The following ACYP2 variants were observed in gnomAD, a reference collection of about 807,000 sequenced individuals.
ACYP2 encodes acylphosphatase-2.
In ACYP2, 12 loss-of-function variants were observed where a neutral mutation model predicts 11.2. That is an observed-to-expected ratio of 1.08 (90% CI 0.69 to 1.74). ACYP2 has a LOEUF of 1.74. Among genes scored for constraint, ACYP2 ranks in the 40% most tolerant of loss-of-function variants. The pLI, the probability that ACYP2 is intolerant of heterozygous loss-of-function variation, is 0.00. For missense variants in ACYP2, 134 were observed against 101.9 expected (o/e 1.31, Z -1.35); for synonymous variants, 43 against 32.2 (o/e 1.33, Z -1.13).
intron 6 of ACYP2, among the ~76,000 whole-genome samples, chr2:54,155,667 C>T (rs1682397673): frequency 6.6e-6 from 1 of 152,250 alleles, no homozygotes; most frequent in African/African-American, 2.4e-5. Flanking sequence ...TTCCTGTCTT[C>T]CACCAAACTG....
At chr2:54,068,051 T>A (rs944052413) in intron 4 of ACYP2, among the ~76,000 whole-genome samples, 1 of 152,206 alleles carries the variant, frequency 6.6e-6, no homozygotes, top group Non-Finnish European at 1.5e-5. Context: ...AGTCGTCCAG[T>A]TGGAGTGGGT....
chr2:54,025,952 A>G (rs1674260934), intron 2 of ACYP2, among the ~76,000 whole-genome samples: 1 of 152,190 alleles, frequency 6.6e-6, no homozygotes, highest in Admixed American at 6.5e-5. Flanking sequence ...CCCCATCTCC[A>G]TTAAAAATAT....
chr2:54,278,274 A>G (rs1320483224), intron 6 of ACYP2, among the ~76,000 whole-genome samples: 2 of 152,186 alleles, frequency 1.3e-5, no homozygotes, highest in Non-Finnish European at 2.9e-5. Context: ...CACCGCACCT[A>G]GCCCATTTTA....
At chr2:54,015,683 ACAC>A (rs200608171) in intron 2 of ACYP2, among the ~76,000 whole-genome samples, 1 of 148,504 alleles carries the variant, frequency 6.7e-6, no homozygotes, top group Admixed American at 6.7e-5. Context: ...ACACACACAC[ACAC>A]ACGGCAGAAT....
chr2:54,065,025 A>G (rs1259597024), intron 4 of ACYP2, among the ~76,000 whole-genome samples: 1 of 151,496 alleles, frequency 6.6e-6, no homozygotes, highest in African/African-American at 2.4e-5. Flanking sequence ...CGAAGTTTGC[A>G]CTGAGCCGAG....
At chr2:54,204,837 AC>A (rs375188799) in intron 6 of ACYP2, among the ~76,000 whole-genome samples, 2 of 152,084 alleles carry the variant, frequency 1.3e-5, no homozygotes, top group East Asian at 3.9e-4. Context: ...TATTTTCACC[AC>A]TGATTGACAT....
intron 6 of ACYP2, among the ~76,000 whole-genome samples, chr2:54,288,593 A>G (rs889952113): frequency 6.6e-6 from 1 of 152,042 alleles, no homozygotes; most frequent in East Asian, 1.9e-4. Context: ...TAAATGATGC[A>G]TGGTATTCTA....
At chr2:54,233,859 C>G in intron 6 of ACYP2, among the ~76,000 whole-genome samples, 1 of 152,086 alleles carries the variant, frequency 6.6e-6, no homozygotes, top group East Asian at 1.9e-4. Flanking sequence ...AAAATATAAA[C>G]TTTATTTTTC....
intron 3 of ACYP2, among the ~76,000 whole-genome samples, chr2:54,055,079 C>G (rs1202240653): frequency 1.3e-5 from 2 of 152,110 alleles, no homozygotes; most frequent in South Asian, 2.1e-4. Flanking sequence ...CTCTGTCAAC[C>G]GGGCTAGAGT....
At chr2:54,134,764 G>A (rs1681123394) in intron 4 of ACYP2, among the ~76,000 whole-genome samples, 1 of 152,072 alleles carries the variant, frequency 6.6e-6, no homozygotes, top group South Asian at 2.1e-4. Flanking sequence ...CTTGTTCTTG[G>A]GTCGGGATGC....
At chr2:54,096,726 G>C (rs13429674) in intron 4 of ACYP2, among the ~76,000 whole-genome samples, 6 of 152,168 alleles carry the variant, frequency 3.9e-5, no homozygotes, top group South Asian at 2.1e-4. Flanking sequence ...ACAGGCACTC[G>C]GCAGGCTGAG....
chr2:54,219,881 G>GTGTGTGTGTA (rs1222539416), intron 6 of ACYP2, among the ~76,000 whole-genome samples: 14 of 99,476 alleles, frequency 1.4e-4, no homozygotes, highest in African/African-American at 4.2e-4. Context: ...GTGTGTGTGT[G>GTGTGTGTGTA]TATATATATA....
At chr2:54,056,164 G>C (rs1676139262) in intron 3 of ACYP2, among the ~76,000 whole-genome samples, 1 of 152,220 alleles carries the variant, frequency 6.6e-6, no homozygotes, top group Admixed American at 6.5e-5. Flanking sequence ...CCAGCTTGAG[G>C]AGGATTCATG....
At chr2:54,096,385 A>C (rs1356507365) in intron 4 of ACYP2, among the ~76,000 whole-genome samples, 2 of 150,006 alleles carry the variant, frequency 1.3e-5, no homozygotes, top group Non-Finnish European at 3.0e-5. Context: ...CACGTCCCAG[A>C]CGATGGATGG....
At chr2:54,197,053 A>G (rs563135467) in intron 6 of ACYP2, among the ~76,000 whole-genome samples, 1 of 152,354 alleles carries the variant, frequency 6.6e-6, no homozygotes, top group Admixed American at 6.5e-5. Context: ...AGGTAGTATT[A>G]TAACCCCCCT....
chr2:54,302,697 G>A (rs917948543), intron 6 of ACYP2, among the ~76,000 whole-genome samples: 8 of 151,992 alleles, frequency 5.3e-5, no homozygotes, highest in Non-Finnish European at 1.0e-4. Flanking sequence ...TTCCAAAACT[G>A]AGCCTCTGAT....
intron 6 of ACYP2, among the ~76,000 whole-genome samples, chr2:54,291,264 A>C (rs1006441945): frequency 4.6e-5 from 7 of 152,148 alleles, no homozygotes; most frequent in African/African-American, 1.7e-4. Flanking sequence ...TGCCTTCTAC[A>C]TGTCCTCTGT....
intron 6 of ACYP2, among the ~76,000 whole-genome samples, chr2:54,205,805 T>G (rs1572934141): frequency 6.6e-6 from 1 of 152,224 alleles, no homozygotes. Context: ...CCAGAGTGTT[T>G]GCATAATTGG....
At chr2:54,267,109 G>T (rs1270125473) in intron 6 of ACYP2, among the ~76,000 whole-genome samples, 1 of 152,118 alleles carries the variant, frequency 6.6e-6, no homozygotes, top group Non-Finnish European at 1.5e-5. Flanking sequence ...AGTGGGGAGA[G>T]GCATTGATGC....
Sources: gnomAD v4.1 joint callset for allele counts (sites outside exome capture counted in the v4.1 genomes callset) on GRCh38, gnomAD v4.1.1 for gene constraint, MANE v1.5 for transcripts, NCBI Gene and HGNC (gene_info 2026-07-23, HGNC 2026-07-21) for gene names.